B3GALT5: variants seen among roughly 807,000 people sequenced by gnomAD.
B3GALT5 encodes beta-1,3-galactosyltransferase 5.
For missense variants in B3GALT5, 328 were observed against 396.6 expected (o/e 0.83, Z 1.47); for synonymous variants, 156 against 158.6 (o/e 0.98, Z 0.12).
intron 2 of B3GALT5, among the ~76,000 whole-genome samples, chr21:39,656,784 G>A (rs556694483): frequency 6.6e-6 from 1 of 152,224 alleles, no homozygotes; most frequent in African/African-American, 2.4e-5. Flanking sequence ...GCCTGTGCGG[G>A]TAGGATGCTG....
Position 39,661,832 on chromosome 21 carries a change from G to C in B3GALT5, c.*340G>C. The C allele has an allele frequency of 4.9e-6, 1 of 202,888 alleles. No individual in the cohort carries two copies. Among genetic ancestry groups the C allele is most frequent in the Non-Finnish European group, 1.1e-5 (1 of 91,994 alleles). 12.6% of individuals were successfully genotyped at this position (202,888 alleles called of 1,614,324 possible). A position where few individuals can be genotyped will look rare whatever the true frequency, so the allele number is the denominator to read the frequency against. ...CGAGAGGTACAGAAACTTGTCCCAA[G>C]GCTCACAGCCAGTAGGCATAGGAGC... On this transcript the variant is annotated 3_prime_UTR_variant, in exon 4 of 4. Transcript: ENST00000684187. The surrounding 1 kb of genome is among the most constrained non-coding windows in gnomAD (Gnocchi z 4.7).
intron 1 of B3GALT5, among the ~76,000 whole-genome samples, chr21:39,645,075 C>T (rs1388618874): frequency 2.0e-5 from 3 of 152,176 alleles, no homozygotes; most frequent in Admixed American, 6.5e-5. Context: ...GCAACGTGCT[C>T]CCTAAGTCAT....
intron 2 of B3GALT5, among the ~76,000 whole-genome samples, chr21:39,648,234 T>C (rs1001628924): frequency 5.3e-5 from 8 of 152,124 alleles, no homozygotes; most frequent in Non-Finnish European, 1.0e-4. Flanking sequence ...TTTAAAAGAA[T>C]TGGGTTATAA....
At chr21:39,622,938 A>G (rs1426752889) in intron 1 of B3GALT5, among the ~76,000 whole-genome samples, 2 of 152,152 alleles carry the variant, frequency 1.3e-5, no homozygotes, top group African/African-American at 2.4e-5. Context: ...ATATATAAAC[A>G]TTTTTGGTAT....
intron 1 of B3GALT5, among the ~76,000 whole-genome samples, chr21:39,616,224 A>T (rs1054129198): frequency 6.6e-6 from 1 of 152,128 alleles, no homozygotes; most frequent in African/African-American, 2.4e-5. Flanking sequence ...ATTGGAAACC[A>T]TTCCTCAGTG....
intron 2 of B3GALT5, among the ~76,000 whole-genome samples, chr21:39,652,151 GTTCT>G (rs1441969371): frequency 6.7e-4 from 102 of 152,318 alleles, no homozygotes; most frequent in African/African-American, 2.4e-3. Flanking sequence ...CCCAAGCTGG[GTTCT>G]CACTGCAGGT....
intron 2 of B3GALT5, among the ~76,000 whole-genome samples, chr21:39,658,768 A>G (rs1007531840): frequency 6.6e-6 from 1 of 152,146 alleles, no homozygotes; most frequent in Non-Finnish European, 1.5e-5. Flanking sequence ...GCTGGGCAGG[A>G]ACTCCCCAGG....
chr21:39,628,446 C>T (rs985959938), intron 1 of B3GALT5, among the ~76,000 whole-genome samples: 2 of 152,228 alleles, frequency 1.3e-5, no homozygotes, highest in Non-Finnish European at 2.9e-5. Context: ...CCACTCTCTA[C>T]ATCCGTGTGC....
At chr21:39,658,009 G>GGA (rs2079465661) in intron 2 of B3GALT5, 1 of 940,534 alleles carries the variant, frequency 1.1e-6, no homozygotes, top group Non-Finnish European at 1.4e-6. Flanking sequence ...TAGGATCTGG[G>GGA]GACACAGGCT....
At chr21:39,649,017 G>A (rs1383943358) in intron 2 of B3GALT5, among the ~76,000 whole-genome samples, 1 of 152,194 alleles carries the variant, frequency 6.6e-6, no homozygotes, top group African/African-American at 2.4e-5. Flanking sequence ...CCAGTGTGTG[G>A]CATTTTGTCG....
At chr21:39,651,823 T>C (rs150229242) in intron 2 of B3GALT5, among the ~76,000 whole-genome samples, 1 of 152,280 alleles carries the variant, frequency 6.6e-6, no homozygotes, top group African/African-American at 2.4e-5. Flanking sequence ...AATGAGGCGA[T>C]GAGGAAGTGT....
intron 2 of B3GALT5, among the ~76,000 whole-genome samples, 152 bp downstream of exon 2, chr21:39,646,774 G>T (rs59037013): frequency 0.015 from 2,262 of 152,292 alleles, 35 homozygotes; most frequent in African/African-American, 0.033. Flanking sequence ...AGAGAAAGAG[G>T]AAAGCAAAAC....
chr21:39,656,496 G>T (rs1418197675), intron 2 of B3GALT5, among the ~76,000 whole-genome samples: 2 of 152,148 alleles, frequency 1.3e-5, no homozygotes, highest in Non-Finnish European at 2.9e-5. Flanking sequence ...TCCACCGAGG[G>T]CCACAGCCCC....
rs1422925091 is a variant in B3GALT5 at position 39,661,359 on chromosome 21, T to C, written c.800T>C (p.Phe267Ser). ...LEELHSQPTF[F>S]PGGLRFSVCL... The stretch of plus-strand genomic sequence containing the variant: ...GAGCTCCACTCCCAGCCGACCTTTT[T>C]TCCAGGGGGCTTACGCTTCTCCGTA... Residue 267 changes from phenylalanine (F) to serine (S), a missense_variant, in exon 4 of 4, where the codon TTT becomes TCT. Physicochemically the swap from Phe to Ser is radical, Grantham distance 155 (BLOSUM62 -2). Coordinates refer to ENST00000684187, the MANE Select transcript of B3GALT5 (RefSeq NM_001356336.2). The surrounding 1 kb of genome is among the most constrained non-coding windows in gnomAD (Gnocchi z 4.7). 6.2e-7 allele frequency: 1 copy of C among 1,610,608 alleles called. No individual in the cohort carries two copies. Among genetic ancestry groups the C allele is most frequent in the Admixed American group, 1.7e-5 (1 of 59,616 alleles).
chr21:39,658,325 G>A (rs569161730), intron 2 of B3GALT5, among the ~76,000 whole-genome samples: 8 of 152,254 alleles, frequency 5.3e-5, no homozygotes, highest in East Asian at 1.9e-4. Flanking sequence ...TGAGGTGAGC[G>A]CCCATCCCTG....
Position 39,664,859 on chromosome 21 carries a change from G to C in B3GALT5, c.*3367G>C, listed in dbSNP as rs1356480464. ...GCTGCTCGCCTTTTCCATCTCCCCT[G>C]CTTGCTCCTTCTCTTTGCTCTGACA... On this transcript the variant is annotated 3_prime_UTR_variant, in exon 4 of 4. Coordinates refer to ENST00000684187, the MANE Select transcript of B3GALT5 (RefSeq NM_001356336.2). 2 of 152,600 alleles carry C rather than the reference G, an allele frequency of 1.3e-5. No individual in the cohort carries two copies. Among genetic ancestry groups the C allele is most frequent in the African/African-American group, 2.4e-5 (1 of 41,316 alleles). The allele number at this position is 152,600 out of a possible 1,614,324, so 9.5% of individuals were successfully genotyped here.
rs117726780 is a variant in B3GALT5, at chr21:39,664,967, G to A, written c.*3475G>A. 5.2e-3 allele frequency: 796 copies of A among 152,222 alleles called. 5 individuals are homozygous for A. Among genetic ancestry groups the A allele is most frequent in the South Asian group, 0.023 (111 of 4,802 alleles). 9.4% of individuals were successfully genotyped at this position (152,222 alleles called of 1,614,324 possible). On this transcript the variant is annotated 3_prime_UTR_variant, in exon 4 of 4. Coordinates refer to ENST00000684187, the MANE Select transcript of B3GALT5 (RefSeq NM_001356336.2). ...CCCAGTCCTCCGAGGGGCCCACCTT[G>A]TCTCATGGCTTTAAATATGTTGATG...
chr21:39,625,788 C>T (rs2079160583), intron 1 of B3GALT5, among the ~76,000 whole-genome samples: 1 of 152,172 alleles, frequency 6.6e-6, no homozygotes, highest in African/African-American at 2.4e-5. Flanking sequence ...CTCCACGTTC[C>T]CTCTAGCCCT....
chr21:39,661,626 A>T lies in B3GALT5; in HGVS notation c.*134A>T. ...AATCCACGCCAGAATGTCGGTGTTC[A>T]TGAAGTCACTGATTAGTTCCCACTT... On this transcript the variant is annotated 3_prime_UTR_variant, in exon 4 of 4. Transcript: ENST00000684187. This position sits in a 1 kb window ranked among gnomAD's most constrained non-coding sequence, Gnocchi z 4.7. 1.1e-6 allele frequency: 1 copy of T among 894,202 alleles called. No individual in the cohort carries two copies. Among genetic ancestry groups the T allele is most frequent in the Non-Finnish European group, 1.6e-6 (1 of 628,800 alleles). The allele number at this position is 894,202 out of a possible 1,614,324, so 55.4% of individuals were successfully genotyped here.
Sources: allele counts gnomAD v4.1 joint callset (sites outside exome capture counted in the v4.1 genomes callset), GRCh38; gene constraint gnomAD v4.1.1; non-coding constraint Gnocchi (gnomAD v3.1); transcripts MANE v1.5; gene names NCBI Gene and HGNC (gene_info 2026-07-23, HGNC 2026-07-21).